RFX7: variants seen among roughly 807,000 people sequenced by gnomAD.
RFX7 encodes regulatory factor X7.
In RFX7, 26 loss-of-function variants were observed where a neutral mutation model predicts 111.8. The ratio of observed to expected loss-of-function variants is 0.23; its 90% CI spans 0.17 to 0.32. RFX7 has a LOEUF of 0.32. RFX7 is among the 10% of genes least tolerant of loss of function. The pLI is 1.00. For synonymous variants in RFX7, 624 were observed against 624.4 expected, an observed-to-expected ratio of 1.00 and a Z score of 0.01; for missense variants, 1,573 against 1,772.9, an observed-to-expected ratio of 0.89 and a Z score of 2.02.
intron 2 of RFX7, among the ~76,000 whole-genome samples, chr15:56,224,593 A>G (rs1205293481): frequency 6.6e-6 from 1 of 152,044 alleles, no homozygotes; most frequent in Non-Finnish European, 1.5e-5. Flanking sequence ...TGAAGTCGTT[A>G]AACATTTTAA....
In RFX7 at chr15:56,229,621, C is replaced by T. The variant is rs1324638340; in HGVS notation, c.161+13504G>A. Among the ~76,000 whole-genome samples, 5 of 152,078 alleles carry T rather than the reference C, an allele frequency of 3.3e-5. No individual in the cohort carries two copies. The East Asian group carries it at 5.8e-4, about 18-fold the overall frequency. The stretch of plus-strand genomic sequence containing the variant: ...GAGAATGAGAATCTCCCGGAAGACT[C>T]GTTAAAACAAACACTGCTAACCATA... On this transcript the variant is annotated intron_variant, in intron 2 of 9. Coordinates refer to ENST00000559447, the MANE Select transcript of RFX7 (RefSeq NM_022841.7).
chr15:56,241,267 G>C (rs1428051673), intron 2 of RFX7, among the ~76,000 whole-genome samples: 1 of 151,964 alleles, frequency 6.6e-6, no homozygotes, highest in African/African-American at 2.4e-5. Context: ...GGCTGTAATG[G>C]ATGTGCCAAT....
At chr15:56,114,355 G>A (rs1372932721) in intron 5 of RFX7, among the ~76,000 whole-genome samples, 4 of 141,506 alleles carry the variant, frequency 2.8e-5, no homozygotes, top group Non-Finnish European at 6.0e-5. Flanking sequence ...AGGTTGCAGT[G>A]ATCAGAGATC....
At position 56,201,267 on chromosome 15, in the gene RFX7, C is replaced by T. The variant is rs540411398; in HGVS notation, c.162-21964G>A. On this transcript the variant is annotated intron_variant, in intron 2 of 9. Transcript: ENST00000559447. ...CCAAATCTGGTCCAAAAAATAAAGTCGCCAAGTTCAATGTCCTGTAGTCCT... is the reference window on the plus strand; with the variant it reads ...CCAAATCTGGTCCAAAAAATAAAGTTGCCAAGTTCAATGTCCTGTAGTCCT... 8.7e-4 allele frequency among the ~76,000 whole-genome samples: 133 copies of T among 152,252 alleles called. 3 individuals carry two copies. The highest frequency in any genetic ancestry group is 1.9e-4 in the East Asian group (1 of 5,190).
intron 3 of RFX7, 140 bp downstream of exon 3, chr15:56,179,130 G>A (rs1441769377): frequency 2.9e-6 from 1 of 345,896 alleles, no homozygotes; most frequent in East Asian, 1.1e-4. Flanking sequence ...TTCACCCGAG[G>A]GGGCTGTAAT....
chr15:56,146,530 GA>G (rs1362178269), intron 3 of RFX7, among the ~76,000 whole-genome samples: 2 of 151,872 alleles, frequency 1.3e-5, no homozygotes, highest in African/African-American at 2.4e-5. Context: ...TGATCATAAA[GA>G]AAAAAATCTA....
chr15:56,158,503 A>AC (rs1555422538), intron 3 of RFX7, among the ~76,000 whole-genome samples: 1 of 151,596 alleles, frequency 6.6e-6, no homozygotes, highest in Non-Finnish European at 1.5e-5. Context: ...GTAGAAAAAA[A>AC]TTTTTTTTTA....
chr15:56,092,538 T>C lies in RFX7; in HGVS notation c.*807A>G, dbSNP rs2041609367. ...CCCTAACTTAACAAATAATAAGACA[T>C]AAAGCATTTTTCTAACATGCTTGTA... On this transcript the variant is annotated 3_prime_UTR_variant, in exon 10 of 10. Coordinates refer to ENST00000559447, the MANE Select transcript of RFX7 (RefSeq NM_022841.7). 1 of 152,206 alleles carries C rather than the reference T, an allele frequency of 6.6e-6. No homozygotes were observed. The highest frequency in any genetic ancestry group is 6.5e-5 in the Admixed American group (1 of 15,274). 9.4% of individuals were successfully genotyped at this position (152,206 alleles called of 1,614,324 possible). A position where few individuals can be genotyped will look rare whatever the true frequency, so the allele number is the denominator to read the frequency against.
Position 56,201,943 on chromosome 15 carries a change from G to C in RFX7, c.162-22640C>G, listed in dbSNP as rs2947023. On this transcript the variant is annotated intron_variant, in intron 2 of 9. Coordinates refer to ENST00000559447, the MANE Select transcript of RFX7 (RefSeq NM_022841.7). The stretch of plus-strand genomic sequence containing the variant: ...CTACTTGGGAGGCTGAGGCAGGAGA[G>C]TGGCATGAACCTGGGAGGCAGAGCT... Among the ~76,000 whole-genome samples the C allele has an allele frequency of 4.3e-3, 656 of 151,990 alleles. 3 individuals carry two copies. The highest frequency in any genetic ancestry group is 0.015 in the African/African-American group (630 of 41,450).
intron 5 of RFX7, among the ~76,000 whole-genome samples, chr15:56,115,938 G>A (rs1473461174): frequency 5.8e-5 from 8 of 139,020 alleles, no homozygotes; most frequent in Middle Eastern, 3.5e-3. Context: ...GCGAGACTCC[G>A]TCTCAAAAAA....
At chr15:56,134,114 A>AC (rs2042256162) in intron 5 of RFX7, among the ~76,000 whole-genome samples, 1 of 152,178 alleles carries the variant, frequency 6.6e-6, no homozygotes, top group Non-Finnish European at 1.5e-5. Flanking sequence ...TAACACGCTT[A>AC]CCTTCTTAAC....
rs893594510 is a variant in RFX7, at chr15:56,206,273, G to T, written c.162-26970C>A. 3.3e-5 allele frequency among the ~76,000 whole-genome samples: 5 copies of T among 152,088 alleles called. 1 individual carries two copies. Among genetic ancestry groups the T allele is most frequent in the Non-Finnish European group, 2.9e-5 (2 of 68,006 alleles). On this transcript the variant is annotated intron_variant, in intron 2 of 9. Coordinates refer to ENST00000559447, the MANE Select transcript of RFX7 (RefSeq NM_022841.7). ...ATCAGACATAAAAAAGAAAAACATT[G>T]TGATGCATGCTACAATATAAATGAA...
At chr15:56,225,017 A>G (rs1333730720) in intron 2 of RFX7, among the ~76,000 whole-genome samples, 3 of 152,158 alleles carry the variant, frequency 2.0e-5, no homozygotes, top group Non-Finnish European at 4.4e-5. Context: ...GTATTATAAC[A>G]AAAATACTAC....
At chr15:56,164,495 G>C (rs2042760815) in intron 3 of RFX7, among the ~76,000 whole-genome samples, 1 of 152,196 alleles carries the variant, frequency 6.6e-6, no homozygotes, top group African/African-American at 2.4e-5. Flanking sequence ...ATGGAGATGA[G>C]ACTAGGAAGG....
At chr15:56,187,211 ATTTT>A (rs572991858) in intron 2 of RFX7, among the ~76,000 whole-genome samples, 1 of 142,170 alleles carries the variant, frequency 7.0e-6, no homozygotes, top group Non-Finnish European at 1.6e-5. Flanking sequence ...TACTGGTAGA[ATTTT>A]TTTTTTTTTT....
rs2041587266 is a variant in RFX7 at position 56,090,789 on chromosome 15, C to CA, written c.*2555dup. 1 of 152,484 alleles carries CA rather than the reference C, an allele frequency of 6.6e-6. No homozygotes were observed. The highest frequency in any genetic ancestry group is 2.4e-5 in the African/African-American group (1 of 41,430). 9.4% of individuals were successfully genotyped at this position (152,484 alleles called of 1,614,324 possible). On this transcript the variant is annotated 3_prime_UTR_variant, in exon 10 of 10. Coordinates refer to ENST00000559447, the MANE Select transcript of RFX7 (RefSeq NM_022841.7). ...AAGACTATTATATGAACCTCAGAAG[C>CA]ACTGCACAAAAAAACACTTTCCTTC...
intron 5 of RFX7, among the ~76,000 whole-genome samples, chr15:56,123,009 G>A (rs1427092858): frequency 1.3e-5 from 2 of 151,820 alleles, no homozygotes; most frequent in African/African-American, 4.8e-5. Flanking sequence ...AAGAGCCAAG[G>A]CCTGGAATCG....
At position 56,093,081 on chromosome 15, in the gene RFX7, G is replaced by T. The variant is rs1441213267; in HGVS notation, c.*264C>A. The T allele has an allele frequency of 5.3e-6, 2 of 379,256 alleles. No individual in the cohort carries two copies. The highest frequency in any genetic ancestry group is 9.5e-6 in the Non-Finnish European group (2 of 210,980). 23.5% of individuals were successfully genotyped at this position (379,256 alleles called of 1,614,324 possible). ...ATAAAGATCGACTGCTCTTGTAACA[G>T]CTGGATAGTCAATCAATGTGAATAA... is the stretch of plus-strand genomic sequence containing the variant. On this transcript the variant is annotated 3_prime_UTR_variant, in exon 10 of 10. Coordinates refer to ENST00000559447, the MANE Select transcript of RFX7 (RefSeq NM_022841.7).
chr15:56,107,296 CAAAAAAAAAA>C (rs56077181), intron 5 of RFX7, among the ~76,000 whole-genome samples: 5 of 32,146 alleles, frequency 1.6e-4, no homozygotes, highest in Non-Finnish European at 2.8e-4. Flanking sequence ...GACTCCGTCT[CAAAAAAAAAA>C]AAAAAAAAAA....
Sources: gnomAD v4.1 joint callset for allele counts (sites outside exome capture counted in the v4.1 genomes callset) on GRCh38, gnomAD v4.1.1 for gene constraint, MANE v1.5 for transcripts, NCBI Gene and HGNC (gene_info 2026-07-23, HGNC 2026-07-21) for gene names.